PSMD1: variants seen among roughly 807,000 people sequenced by gnomAD.
PSMD1 encodes the protein 26S proteasome non-ATPase regulatory subunit 1.
PSMD1 carries 18 observed loss-of-function variants against 119.0 expected under a neutral mutation model. The ratio of observed to expected loss-of-function variants is 0.15; its 90% confidence interval spans 0.10 to 0.22. PSMD1 has a LOEUF of 0.22. Ranked by LOEUF, PSMD1 falls within the 10% of genes least tolerant of loss-of-function variation. The probability of loss-of-function intolerance (pLI) is 1.00; values close to 1 mark genes in which losing one functional copy is unlikely to be tolerated. For missense variants in PSMD1, 702 were observed against 1,158.5 expected, an observed-to-expected ratio of 0.61 and a Z score of 5.72; for synonymous variants, 374 against 396.6, an observed-to-expected ratio of 0.94 and a Z score of 0.68.
Position 231,146,315 on chromosome 2 carries a change from G to T in PSMD1, c.2074G>T (p.Ala692Ser). ...YVRQGALIASALIMIQQTEIT... is the reference protein window; with the variant it reads ...YVRQGALIASSLIMIQQTEIT... Reference sequence around the variant, plus strand: ...GAGGCAAGGGGCACTCATAGCTTCAGCTCTCATCATGATCCAGCAGACTGA... The same window carrying T: ...GAGGCAAGGGGCACTCATAGCTTCATCTCTCATCATGATCCAGCAGACTGA... Residue 692 changes from alanine (A) to serine (S), a missense_variant, in exon 18 of 25, where the codon GCT (alanine) becomes TCT (serine). Ala to Ser is a moderately conservative substitution (Grantham distance 99). Coordinates refer to ENST00000308696, the MANE Select transcript of PSMD1 (RefSeq NM_002807.4). 1 of 1,613,886 alleles carries T rather than the reference G, an allele frequency of 6.2e-7. No individual in the cohort carries two copies. Among genetic ancestry groups the T allele is most frequent in the Non-Finnish European group, 8.5e-7 (1 of 1,179,846 alleles).
chr2:231,062,395 G>A, intron 3 of PSMD1, 74 bp downstream of exon 3: 9 of 1,510,778 alleles, frequency 6.0e-6, no homozygotes, highest in Non-Finnish European at 8.2e-6. Context: ...GTGGCTTATT[G>A]ATTCATTTAG....
chr2:231,063,890 C>G (rs916845082), intron 4 of PSMD1, among the ~76,000 whole-genome samples: 39 of 151,994 alleles, frequency 2.6e-4, no homozygotes, highest in African/African-American at 9.4e-4. Flanking sequence ...TCTCAAACTC[C>G]TGGCCTCAAG....
chr2:231,163,073 C>T (rs1696678609), intron 20 of PSMD1: 1 of 150,286 alleles, frequency 6.7e-6, no homozygotes, highest in African/African-American at 2.5e-5. Flanking sequence ...CACTCCAGAG[C>T]CTGGGCAACA....
intron 13 of PSMD1, among the ~76,000 whole-genome samples, 174 bp downstream of exon 13, chr2:231,083,168 A>G (rs533447002): frequency 1.3e-5 from 2 of 152,290 alleles, no homozygotes; most frequent in South Asian, 4.1e-4. Flanking sequence ...AAGTTTTGTG[A>G]TATATAGGCT....
At chr2:231,100,723 G>T (rs974094727) in intron 16 of PSMD1, among the ~76,000 whole-genome samples, 1 of 152,142 alleles carries the variant, frequency 6.6e-6, no homozygotes, top group Non-Finnish European at 1.5e-5. Context: ...CCTTAATTGA[G>T]CCTGCAAAAC....
At chr2:231,065,452 C>G (rs1033195641) in intron 4 of PSMD1, among the ~76,000 whole-genome samples, 1 of 128,422 alleles carries the variant, frequency 7.8e-6, no homozygotes, top group Non-Finnish European at 1.5e-5. Flanking sequence ...GCCACCACAC[C>G]CGGCTAATTT....
chr2:231,108,012 A>T (rs1695017694), intron 16 of PSMD1, among the ~76,000 whole-genome samples: 1 of 152,236 alleles, frequency 6.6e-6, no homozygotes, highest in South Asian at 2.1e-4. Context: ...TTATGACTGC[A>T]TTCAACTAAA....
intron 16 of PSMD1, among the ~76,000 whole-genome samples, chr2:231,113,035 G>A (rs773629372): frequency 6.6e-6 from 1 of 152,054 alleles, no homozygotes; most frequent in Non-Finnish European, 1.5e-5. Context: ...CATGGGGGGT[G>A]TGTCTGTAGT....
At chr2:231,078,601 G>T in intron 9 of PSMD1, 58 bp from the exon 10 acceptor site, 1 of 1,269,024 alleles carries the variant, frequency 7.9e-7, no homozygotes, top group Non-Finnish European at 1.1e-6. Flanking sequence ...TGTGTGTGAG[G>T]GTGTGCATAT....
At chr2:231,078,357 A>G (rs1263352763) in intron 9 of PSMD1, among the ~76,000 whole-genome samples, 4 of 152,222 alleles carry the variant, frequency 2.6e-5, no homozygotes, top group Admixed American at 2.0e-4. Flanking sequence ...GACCTTGGGC[A>G]AGATGGAGAA....
chr2:231,066,656 G>GGTGA (rs1386702177), intron 4 of PSMD1, among the ~76,000 whole-genome samples: 1 of 152,114 alleles, frequency 6.6e-6, no homozygotes, highest in Non-Finnish European at 1.5e-5. Flanking sequence ...TGGGACTGTG[G>GGTGA]GTGAGCACTA....
chr2:231,126,258 C>T (rs1167683177), intron 16 of PSMD1, among the ~76,000 whole-genome samples: 1 of 151,958 alleles, frequency 6.6e-6, no homozygotes, highest in African/African-American at 2.4e-5. Flanking sequence ...ATAAATTAGC[C>T]AAGGGTGGTG....
At chr2:231,091,689 A>T (rs111370732) in intron 16 of PSMD1, among the ~76,000 whole-genome samples, 1 of 152,140 alleles carries the variant, frequency 6.6e-6, no homozygotes, top group African/African-American at 2.4e-5. Flanking sequence ...GTTATCTCAC[A>T]TCCTTCCATA....
chr2:231,074,170 T>C (rs1037148865), intron 7 of PSMD1, among the ~76,000 whole-genome samples: 4 of 152,200 alleles, frequency 2.6e-5, no homozygotes, highest in Admixed American at 6.5e-5. Flanking sequence ...AGTGGCACGA[T>C]CTCAGCTCAC....
intron 17 of PSMD1, among the ~76,000 whole-genome samples, chr2:231,141,635 A>G (rs1339943313): frequency 6.9e-6 from 1 of 145,862 alleles, no homozygotes; most frequent in Non-Finnish European, 1.5e-5. Flanking sequence ...CCTGGGCTTT[A>G]TTTTTCTTCA....
chr2:231,113,954 A>G, intron 16 of PSMD1: 1 of 1,594,818 alleles, frequency 6.3e-7, no homozygotes, highest in African/African-American at 1.3e-5. Flanking sequence ...AACAAGACAA[A>G]CATTTTATTC....
chr2:231,135,427 C>T (rs149275273), intron 16 of PSMD1, among the ~76,000 whole-genome samples: 270 of 151,984 alleles, frequency 1.8e-3, no homozygotes, highest in African/African-American at 6.0e-3. Flanking sequence ...AGGAAAGGAC[C>T]CTGGAATGTT....
intron 12 of PSMD1, among the ~76,000 whole-genome samples, chr2:231,081,330 C>A (rs1201386229): frequency 6.6e-6 from 1 of 151,912 alleles, no homozygotes; most frequent in Non-Finnish European, 1.5e-5. Context: ...AAAACAAAAA[C>A]AGCAATAGAC....
At chr2:231,136,356 T>C (rs778790553) in intron 16 of PSMD1, among the ~76,000 whole-genome samples, 14 of 152,230 alleles carry the variant, frequency 9.2e-5, no homozygotes, top group Non-Finnish European at 1.5e-4. Flanking sequence ...AATATTCCCA[T>C]CTTAAATGGT....
Sources: allele counts gnomAD v4.1 joint callset (sites outside exome capture counted in the v4.1 genomes callset), GRCh38; gene constraint gnomAD v4.1.1; transcripts MANE v1.5; gene names NCBI Gene and HGNC (gene_info 2026-07-23, HGNC 2026-07-21).